COL5A1: variants seen among roughly 807,000 people sequenced by gnomAD.
The protein encoded by COL5A1 is collagen alpha-1(V) chain.
Under a neutral mutation model 263.7 loss-of-function variants are expected in COL5A1, and 16 were observed. That is an observed-to-expected ratio of 0.06 (90% CI 0.04 to 0.09). COL5A1 has a LOEUF of 0.09. Among genes scored for constraint, COL5A1 ranks in the 10% least tolerant of loss-of-function variants. The probability of loss-of-function intolerance (pLI) is 1.00; values close to 1 mark genes in which losing one functional copy is unlikely to be tolerated. For synonymous variants in COL5A1, 1,012 were observed against 1,004.5 expected (o/e 1.01, Z -0.14); for missense variants, 2,036 against 2,540.5 (o/e 0.80, Z 4.27).
rs771954125 is a variant in COL5A1 at position 134,844,838 on chromosome 9, C to T, written c.*2535C>T. On this transcript the variant is annotated 3_prime_UTR_variant, in exon 66 of 66. Transcript: ENST00000371817. ...AATAAATCGAGTTGGGTGTTTCCACCGTAAACAGATGTGAGTGACTCTCTT... is the reference window on the plus strand; with the variant it reads ...AATAAATCGAGTTGGGTGTTTCCACTGTAAACAGATGTGAGTGACTCTCTT... The T allele has an allele frequency of 3.9e-5, 6 of 152,326 alleles. No homozygotes were observed. Among genetic ancestry groups the T allele is most frequent in the South Asian group, 4.1e-4 (2 of 4,826 alleles). 9.4% of individuals were successfully genotyped at this position (152,326 alleles called of 1,614,324 possible).
chr9:134,782,511 G>T, intron 28 of COL5A1, 156 bp from the exon 29 acceptor site: 1 of 757,356 alleles, frequency 1.3e-6, no homozygotes, highest in South Asian at 1.4e-5. Flanking sequence ...AGCCATTCTC[G>T]AGGGATGGGC....
rs562683857 is a variant in COL5A1, at chr9:134,818,078, C to G, written c.4230+247C>G. Among the ~76,000 whole-genome samples, 1 of 152,184 alleles carries G rather than the reference C, an allele frequency of 6.6e-6. No individual in the cohort carries two copies. The highest frequency in any genetic ancestry group is 1.5e-5 in the Non-Finnish European group (1 of 68,024). ...TGAGGGAGGAGGCGGGTGGTGGGTG[C>G]GGGATTCAGGGAGCCCAAGGCTGAG... On this transcript the variant is annotated intron_variant, in intron 54 of 65. Coordinates refer to ENST00000371817, the MANE Select transcript of COL5A1 (RefSeq NM_000093.5). This position sits in a 1 kb window ranked among gnomAD's most constrained non-coding sequence, Gnocchi z 6.0.
chr9:134,773,359 G>A (rs534147803), intron 26 of COL5A1, among the ~76,000 whole-genome samples: 1 of 152,224 alleles, frequency 6.6e-6, no homozygotes, highest in South Asian at 2.1e-4. Context: ...TCTCCACTGC[G>A]ATTCATGACA....
chr9:134,762,839 T>C (rs1199041002), intron 19 of COL5A1, among the ~76,000 whole-genome samples: 2 of 152,112 alleles, frequency 1.3e-5, no homozygotes, highest in African/African-American at 4.8e-5. Flanking sequence ...GGGACCCTTC[T>C]AGATGTCAGT....
intron 13 of COL5A1, 75 bp from the exon 14 acceptor site, chr9:134,752,514 T>C: frequency 8.6e-7 from 1 of 1,157,656 alleles, no homozygotes; most frequent in Non-Finnish European, 1.3e-6. Context: ...CTGCCACATC[T>C]CACGGCTCAG....
In COL5A1 at chr9:134,696,911, A is replaced by T. The variant is rs1833494970; in HGVS notation, c.278-2998A>T. Reference sequence around the variant, plus strand: ...CGGTGAAACCCCATCCCTACTAAAAATACAAAAAAATTAGCCAGGCTTGGT... The same window carrying T: ...CGGTGAAACCCCATCCCTACTAAAATTACAAAAAAATTAGCCAGGCTTGGT... On this transcript the variant is annotated intron_variant, in intron 2 of 65. Coordinates refer to ENST00000371817, the MANE Select transcript of COL5A1 (RefSeq NM_000093.5). This position sits in a 1 kb window ranked among gnomAD's most constrained non-coding sequence, Gnocchi z 4.3. Among the ~76,000 whole-genome samples, 1 of 152,080 alleles carries T rather than the reference A, an allele frequency of 6.6e-6. No individual in the cohort carries two copies.
chr9:134,842,174 G>T lies in COL5A1; in HGVS notation c.5388G>T (p.Gln1796His). Residue 1796 changes from glutamine (Q) to histidine (H), a missense_variant, in exon 66 of 66, where the codon CAG becomes CAT. Around this residue, in one of 3 missense-constraint regions of COL5A1, gnomAD observed 358 missense variants for 384.6 expected, o/e 0.93. Coordinates refer to ENST00000371817, the MANE Select transcript of COL5A1 (RefSeq NM_000093.5). This position sits in a 1 kb window ranked among gnomAD's most constrained non-coding sequence, Gnocchi z 5.8. ...VDGCATKKGY[Q>H]KTVLEIDTPK... is the part of the protein sequence containing the mutation. ...TTCCCCAGACCAAGAAAGGCTACCA[G>T]AAGACGGTTCTGGAGATCGACACCC... is the stretch of plus-strand genomic sequence containing the variant. 1 of 1,614,110 alleles carries T rather than the reference G, an allele frequency of 6.2e-7. No homozygotes were observed. The highest frequency in any genetic ancestry group is 8.5e-7 in the Non-Finnish European group (1 of 1,180,026).
At chr9:134,816,831 G>A (rs1178466751) in intron 52 of COL5A1, among the ~76,000 whole-genome samples, 195 bp from the exon 53 acceptor site, 1 of 152,228 alleles carries the variant, frequency 6.6e-6, no homozygotes, top group Non-Finnish European at 1.5e-5. Context: ...CCGCAGGATG[G>A]GAGTTGGGGT....
intron 44 of COL5A1, among the ~76,000 whole-genome samples, chr9:134,810,759 G>A (rs1022716840): frequency 2.0e-5 from 3 of 152,272 alleles, no homozygotes; most frequent in Admixed American, 6.5e-5. Context: ...CCCTCCCGAT[G>A]AGTGACATGT....
In COL5A1 at chr9:134,763,451, T is replaced by G. The variant is rs559466503; in HGVS notation, c.1990-242T>G. ...CTGCCCAGCCTTTCCTCTGGAGAGCTGTGGCATGTGAGCTCCTGAGCCGGC... is the reference window on the plus strand; with the variant it reads ...CTGCCCAGCCTTTCCTCTGGAGAGCGGTGGCATGTGAGCTCCTGAGCCGGC... On this transcript the variant is annotated intron_variant, in intron 19 of 65. Coordinates refer to ENST00000371817, the MANE Select transcript of COL5A1 (RefSeq NM_000093.5). Among the ~76,000 whole-genome samples, 84 of 152,354 alleles carry G rather than the reference T, an allele frequency of 5.5e-4. 2 individuals are homozygous for G. In the South Asian group the frequency reaches 0.017, roughly 31 times the overall value.
At position 134,647,741 on chromosome 9, in the gene COL5A1, C is replaced by T. The variant is rs1392012583; in HGVS notation, c.109+5445C>T. Among the ~76,000 whole-genome samples, 3 of 152,186 alleles carry T rather than the reference C, an allele frequency of 2.0e-5. No homozygotes were observed. Among genetic ancestry groups the T allele is most frequent in the Admixed American group, 6.5e-5 (1 of 15,290 alleles). On this transcript the variant is annotated intron_variant, in intron 1 of 65. Transcript: ENST00000371817. This position sits in a 1 kb window ranked among gnomAD's most constrained non-coding sequence, Gnocchi z 5.0. ...ACAATTTCATGTCTTTTTAAACTCC[C>T]GGGAGGGCGATGTTACATTATGGCT...
intron 25 of COL5A1, 138 bp from the exon 26 acceptor site, chr9:134,772,652 G>T: frequency 1.0e-6 from 1 of 992,340 alleles, no homozygotes. Flanking sequence ...AGCTGCCTTC[G>T]ACTTCTGGTG....
At chr9:134,774,716 G>A (rs1376548575) in intron 26 of COL5A1, 143 bp from the exon 27 acceptor site, 5 of 808,732 alleles carry the variant, frequency 6.2e-6, no homozygotes, top group Admixed American at 2.0e-5. Flanking sequence ...AGTCTCCCAC[G>A]GGGGGCCTCT....
Position 134,827,532 on chromosome 9 carries a change from C to T in COL5A1, c.5067+1628C>T, listed in dbSNP as rs540172594. 1.4e-4 allele frequency among the ~76,000 whole-genome samples: 21 copies of T among 152,384 alleles called. No homozygotes were observed. In the South Asian group the frequency reaches 2.5e-3, roughly 18 times the overall value. On this transcript the variant is annotated intron_variant, in intron 63 of 65. Transcript: ENST00000371817. ...AAAGAGGTTTCTCGGCCCTCCTTCGCGGCCTGCCTCTGCAAATGGGTGGCC... is the reference window on the plus strand; with the variant it reads ...AAAGAGGTTTCTCGGCCCTCCTTCGTGGCCTGCCTCTGCAAATGGGTGGCC...
intron 19 of COL5A1, 39 bp from the exon 20 acceptor site, chr9:134,763,654 A>AGCTCATT (rs1564443732): frequency 6.2e-7 from 1 of 1,607,956 alleles, no homozygotes; most frequent in Non-Finnish European, 8.5e-7. Flanking sequence ...CCAGGCTAAC[A>AGCTCATT]GCTCATTTCT....
At chr9:134,708,529 G>A (rs1415729548) in intron 4 of COL5A1, 1 of 513,384 alleles carries the variant, frequency 1.9e-6, no homozygotes, top group Non-Finnish European at 3.9e-6. Flanking sequence ...AGCATCCACT[G>A]GTGCTTTCTG....
At chr9:134,813,793 G>A (rs1007494867) in intron 48 of COL5A1, among the ~76,000 whole-genome samples, 190 bp from the exon 49 acceptor site, 20 of 152,354 alleles carry the variant, frequency 1.3e-4, no homozygotes, top group Admixed American at 1.2e-3. Flanking sequence ...TATCCATCAC[G>A]TGCCTGCCAC....
chr9:134,655,941 G>T (rs556592807), intron 1 of COL5A1, among the ~76,000 whole-genome samples: 2 of 152,334 alleles, frequency 1.3e-5, no homozygotes, highest in African/African-American at 4.8e-5. Flanking sequence ...TTTGCAGAGG[G>T]TTGGAGTTCT....
At chr9:134,724,383 C>T (rs1161634955) in intron 4 of COL5A1, among the ~76,000 whole-genome samples, 1 of 152,246 alleles carries the variant, frequency 6.6e-6, no homozygotes, top group East Asian at 1.9e-4. Flanking sequence ...TCCCAGGCCA[C>T]ACAGCCAGGC....
Sources: allele counts gnomAD v4.1 joint callset (sites outside exome capture counted in the v4.1 genomes callset), GRCh38; gene constraint gnomAD v4.1.1; regional missense constraint gnomAD v4.1.1; non-coding constraint Gnocchi (gnomAD v3.1); transcripts MANE v1.5; gene names NCBI Gene and HGNC (gene_info 2026-07-23, HGNC 2026-07-21).